JAZF1: variants seen among roughly 807,000 people sequenced by gnomAD.
JAZF1 encodes the protein JAZF zinc finger 1.
Under a neutral mutation model 26.4 loss-of-function variants are expected in JAZF1, and 8 were observed. That is an observed-to-expected ratio of 0.30 (90% CI 0.18 to 0.55). The LOEUF (loss-of-function observed/expected upper bound fraction) is 0.55. Ranked by LOEUF, JAZF1 falls within the 20% of genes least tolerant of loss-of-function variation. JAZF1 has a pLI of 0.94. For missense variants in JAZF1, 199 were observed against 322.0 expected (o/e 0.62, Z 2.92); for synonymous variants, 126 against 122.3 (o/e 1.03, Z -0.20).
intron 1 of JAZF1, among the ~76,000 whole-genome samples, chr7:28,032,189 C>T (rs550474067): frequency 6.6e-6 from 1 of 152,270 alleles, no homozygotes; most frequent in Non-Finnish European, 1.5e-5. Flanking sequence ...ATGATTTCTT[C>T]CTTACTTTCA....
At chr7:28,135,653 A>G (rs1363976352) in intron 1 of JAZF1, among the ~76,000 whole-genome samples, 1 of 152,238 alleles carries the variant, frequency 6.6e-6, no homozygotes, top group East Asian at 1.9e-4. Context: ...AGGGCAAAAG[A>G]AAGCTTCAAA....
At chr7:28,019,417 T>G (rs1190570602) in intron 1 of JAZF1, among the ~76,000 whole-genome samples, 1 of 152,136 alleles carries the variant, frequency 6.6e-6, no homozygotes, top group African/African-American at 2.4e-5. Flanking sequence ...AATCTCAGAA[T>G]GTTGGGGTAA....
intron 1 of JAZF1, among the ~76,000 whole-genome samples, chr7:28,028,890 C>T (rs1194448711): frequency 6.6e-6 from 1 of 152,108 alleles, no homozygotes; most frequent in African/African-American, 2.4e-5. Flanking sequence ...AAACTTTACT[C>T]ATTAAAGTTA....
At chr7:28,020,704 C>T (rs1391508600) in intron 1 of JAZF1, 3 of 471,104 alleles carry the variant, frequency 6.4e-6, no homozygotes, top group East Asian at 1.4e-4. Context: ...ATGAATGTGA[C>T]ACTGGCATTT....
intron 1 of JAZF1, among the ~76,000 whole-genome samples, chr7:28,072,844 ACTTGCATACAC>A (rs1280035586): frequency 6.6e-6 from 1 of 152,192 alleles, no homozygotes; most frequent in African/African-American, 2.4e-5. Context: ...GTTTATATAA[ACTTGCATACAC>A]CTTTCAGATT....
intron 1 of JAZF1, among the ~76,000 whole-genome samples, chr7:27,999,838 A>AG (rs1335656465): frequency 1.3e-5 from 2 of 152,192 alleles, no homozygotes; most frequent in Non-Finnish European, 2.9e-5. Context: ...GGCAAACAGG[A>AG]GGGGAAAACA....
intron 2 of JAZF1, among the ~76,000 whole-genome samples, chr7:27,927,811 C>T (rs939705151): frequency 2.0e-5 from 3 of 152,090 alleles, no homozygotes; most frequent in African/African-American, 7.2e-5. Flanking sequence ...CCCTTTAAAT[C>T]ACCCCAAATG....
chr7:27,954,217 G>T (rs1785052317), intron 2 of JAZF1, among the ~76,000 whole-genome samples: 1 of 152,214 alleles, frequency 6.6e-6, no homozygotes, highest in Non-Finnish European at 1.5e-5. Flanking sequence ...ACTTTGGTTA[G>T]TGAGGTCCAT....
At chr7:28,163,103 A>G (rs964163176) in intron 1 of JAZF1, among the ~76,000 whole-genome samples, 2 of 152,226 alleles carry the variant, frequency 1.3e-5, no homozygotes, top group African/African-American at 4.8e-5. Flanking sequence ...ATACCAGATA[A>G]TAACAAAAGC....
chr7:28,137,523 C>G (rs952827095), intron 1 of JAZF1, among the ~76,000 whole-genome samples: 1 of 152,204 alleles, frequency 6.6e-6, no homozygotes, highest in South Asian at 2.1e-4. Context: ...CCACCCAGGT[C>G]TCCTTAACAG....
At chr7:28,152,008 G>C (rs1783118113) in intron 1 of JAZF1, among the ~76,000 whole-genome samples, 1 of 151,898 alleles carries the variant, frequency 6.6e-6, no homozygotes, top group South Asian at 2.1e-4. Flanking sequence ...TTTATTTTTA[G>C]ATTTCCCAAA....
intron 1 of JAZF1, among the ~76,000 whole-genome samples, chr7:28,035,269 G>A (rs1438329293): frequency 4.1e-5 from 5 of 121,232 alleles, no homozygotes; most frequent in East Asian, 2.4e-4. Flanking sequence ...AGCTGAAATC[G>A]CACCTCTGCA....
intron 2 of JAZF1, among the ~76,000 whole-genome samples, chr7:27,976,277 C>T (rs184893366): frequency 1.2e-4 from 16 of 135,260 alleles, no homozygotes; most frequent in Non-Finnish European, 1.8e-4. Context: ...ACCCGGGAGG[C>T]GGAGCTTGCA....
Position 27,949,064 on chromosome 7 carries a change from G to A in JAZF1, c.188+42845C>T, listed in dbSNP as rs144212854. Reference sequence around the variant, plus strand: ...GCCACACCCTCATCCCACAACAGCTGCTCTCATCAGTTACACCCTTTGCAT... The same window carrying A: ...GCCACACCCTCATCCCACAACAGCTACTCTCATCAGTTACACCCTTTGCAT... On this transcript the variant is annotated intron_variant, in intron 2 of 4. Transcript: ENST00000283928. 1.0e-3 allele frequency among the ~76,000 whole-genome samples: 152 copies of A among 152,234 alleles called. 1 individual carries two copies. The East Asian group carries it at 0.022, about 22-fold the overall frequency.
At chr7:27,881,188 G>A (rs10464330) in intron 3 of JAZF1, among the ~76,000 whole-genome samples, 26,136 of 152,078 alleles carry the variant, frequency 0.17, 2,974 homozygotes, top group East Asian at 0.47. Flanking sequence ...CCCGGGGAGG[G>A]GGCATGGGGA....
chr7:28,084,401 A>C (rs1784182556), intron 1 of JAZF1, among the ~76,000 whole-genome samples: 1 of 152,154 alleles, frequency 6.6e-6, no homozygotes. Flanking sequence ...AAAACTCTTA[A>C]GCTATTCACC....
At chr7:27,961,941 C>A (rs1377603848) in intron 2 of JAZF1, among the ~76,000 whole-genome samples, 9 of 152,180 alleles carry the variant, frequency 5.9e-5, no homozygotes, top group Non-Finnish European at 8.8e-5. Flanking sequence ...GACTTTGGCA[C>A]TGGAGAGACC....
chr7:28,073,786 A>G (rs569230863), intron 1 of JAZF1, among the ~76,000 whole-genome samples: 1 of 152,302 alleles, frequency 6.6e-6, no homozygotes, highest in African/African-American at 2.4e-5. Flanking sequence ...TGGATGTGTG[A>G]ATTTTCTTTG....
intron 1 of JAZF1, among the ~76,000 whole-genome samples, chr7:28,031,381 T>C (rs538644953): frequency 6.6e-6 from 1 of 152,176 alleles, no homozygotes; most frequent in East Asian, 1.9e-4. Flanking sequence ...TGACAGATGT[T>C]GAGTGGACGA....
Sources: allele counts gnomAD v4.1 joint callset (sites outside exome capture counted in the v4.1 genomes callset), GRCh38; gene constraint gnomAD v4.1.1; transcripts MANE v1.5; gene names NCBI Gene and HGNC (gene_info 2026-07-23, HGNC 2026-07-21).